ADGRL3: variants seen among roughly 807,000 people sequenced by gnomAD.
The protein encoded by ADGRL3 is adhesion G protein-coupled receptor L3, also known as calcium-independent alpha-latrotoxin receptor 3.
In ADGRL3, 62 loss-of-function variants were observed where a neutral mutation model predicts 153.5. The observed-to-expected ratio is 0.40, with a 90% confidence interval of 0.33 to 0.50. The LOEUF (loss-of-function observed/expected upper bound fraction) is 0.50. Among genes scored for constraint, ADGRL3 ranks in the 20% least tolerant of loss-of-function variants. The pLI is 0.47. For synonymous variants in ADGRL3, 710 were observed against 672.5 expected (o/e 1.06, Z -0.86); for missense variants, 1,641 against 1,859.4 (o/e 0.88, Z 2.16).
At chr4:61,334,757 G>A (rs1262644791) in intron 1 of ADGRL3, among the ~76,000 whole-genome samples, 8 of 152,032 alleles carry the variant, frequency 5.3e-5, no homozygotes, top group Non-Finnish European at 1.2e-4. Context: ...TGCTAGGCAA[G>A]AATATAAAGT....
chr4:61,226,268 G>A (rs1281081515), intron 1 of ADGRL3, among the ~76,000 whole-genome samples: 3 of 151,918 alleles, frequency 2.0e-5, no homozygotes, highest in Non-Finnish European at 4.4e-5. Flanking sequence ...TTATCCAATT[G>A]GCTGTGATTA....
chr4:61,742,248 TTTATTA>T (rs747149039), intron 8 of ADGRL3, among the ~76,000 whole-genome samples: 4 of 152,018 alleles, frequency 2.6e-5, no homozygotes, highest in Non-Finnish European at 5.9e-5. Flanking sequence ...TTTTTAACCT[TTTATTA>T]TTATTATTCT....
At chr4:61,959,269 G>A (rs561565382) in intron 17 of ADGRL3, among the ~76,000 whole-genome samples, 9 of 152,166 alleles carry the variant, frequency 5.9e-5, no homozygotes, top group East Asian at 5.8e-4. Context: ...GTAGAGCACC[G>A]TAACATATGC....
intron 8 of ADGRL3, among the ~76,000 whole-genome samples, chr4:61,753,245 AC>A (rs1255197343): frequency 3.9e-4 from 58 of 148,910 alleles, no homozygotes; most frequent in African/African-American, 1.4e-3. Flanking sequence ...AAAAAAAAAA[AC>A]AAAGATGAAA....
intron 6 of ADGRL3, among the ~76,000 whole-genome samples, chr4:61,698,682 A>G (rs142828188): frequency 3.0e-4 from 46 of 152,246 alleles, no homozygotes; most frequent in African/African-American, 1.0e-3. Flanking sequence ...CTTATGACAT[A>G]TGTGATTAGG....
intron 2 of ADGRL3, among the ~76,000 whole-genome samples, chr4:61,408,022 A>C (rs761998096): frequency 6.6e-6 from 1 of 152,082 alleles, no homozygotes; most frequent in Non-Finnish European, 1.5e-5. Flanking sequence ...TCATTTCTGA[A>C]ATGAGAAATT....
intron 5 of ADGRL3, among the ~76,000 whole-genome samples, chr4:61,672,507 A>G (rs1369047086): frequency 1.3e-5 from 2 of 152,138 alleles, no homozygotes; most frequent in African/African-American, 2.4e-5. Flanking sequence ...GACTCAGTCT[A>G]TCAACAATGA....
chr4:61,975,815 C>G (rs929888863), intron 17 of ADGRL3, among the ~76,000 whole-genome samples: 1 of 152,046 alleles, frequency 6.6e-6, no homozygotes, highest in Non-Finnish European at 1.5e-5. Context: ...CAATATAACT[C>G]CTGAGTTTTT....
At chr4:61,550,134 A>G (rs1484529796) in intron 4 of ADGRL3, among the ~76,000 whole-genome samples, 3 of 151,698 alleles carry the variant, frequency 2.0e-5, no homozygotes, top group South Asian at 2.1e-4. Flanking sequence ...TTACCAAAAT[A>G]TAGAAATATC....
At chr4:61,374,220 G>A (rs868853768) in intron 1 of ADGRL3, among the ~76,000 whole-genome samples, 2 of 152,132 alleles carry the variant, frequency 1.3e-5, no homozygotes, top group Non-Finnish European at 2.9e-5. Flanking sequence ...GTTTGCATTT[G>A]AATAGTATAA....
intron 5 of ADGRL3, among the ~76,000 whole-genome samples, chr4:61,635,626 G>A (rs1002728980): frequency 6.6e-6 from 1 of 152,096 alleles, no homozygotes; most frequent in Non-Finnish European, 1.5e-5. Flanking sequence ...ATGGTGAACT[G>A]AATTTACTTA....
chr4:61,294,571 A>G (rs1486165149), intron 1 of ADGRL3, among the ~76,000 whole-genome samples: 1 of 152,108 alleles, frequency 6.6e-6, no homozygotes, highest in Non-Finnish European at 1.5e-5. Context: ...GCATCGTGGT[A>G]ATTGATAGTG....
chr4:61,951,314 G>T (rs1319405621), intron 17 of ADGRL3, among the ~76,000 whole-genome samples: 1 of 152,086 alleles, frequency 6.6e-6, no homozygotes, highest in Non-Finnish European at 1.5e-5. Context: ...ACCTGTACAT[G>T]GCAGTGTCAG....
At chr4:61,998,762 A>G (rs1462402179) in intron 21 of ADGRL3, among the ~76,000 whole-genome samples, 1 of 151,962 alleles carries the variant, frequency 6.6e-6, no homozygotes, top group Non-Finnish European at 1.5e-5. Flanking sequence ...ATTTTAATAG[A>G]GACGGGGTTT....
intron 13 of ADGRL3, among the ~76,000 whole-genome samples, chr4:61,913,528 A>C (rs1046540687): frequency 1.3e-5 from 2 of 152,220 alleles, no homozygotes; most frequent in Non-Finnish European, 2.9e-5. Flanking sequence ...TGCATTTATA[A>C]AGAGATACCC....
intron 21 of ADGRL3, among the ~76,000 whole-genome samples, chr4:62,004,702 T>C (rs147557599): frequency 2.0e-5 from 3 of 152,206 alleles, no homozygotes; most frequent in East Asian, 3.9e-4. Flanking sequence ...CAACATGCTA[T>C]ACTGAAGATG....
intron 8 of ADGRL3, among the ~76,000 whole-genome samples, chr4:61,741,156 G>A (rs2096576372): frequency 6.6e-6 from 1 of 152,112 alleles, no homozygotes; most frequent in South Asian, 2.1e-4. Flanking sequence ...TTTTGAAACT[G>A]CCACGTGTTT....
In ADGRL3 at chr4:62,070,319, A is replaced by G. The variant is rs1490460823; in HGVS notation, c.4043A>G (p.Asn1348Ser). ...AACTATATCCCTTCTTACCTGAACA[A>G]CCATGAGCGCTCCAGTGAACAGAAC... Reference protein sequence around the residue: ...TSNYIPSYLNNHERSSEQNRN... With the variant: ...TSNYIPSYLNSHERSSEQNRN... Residue 1348 changes from asparagine to serine, a missense_variant, in exon 27 of 27, where the codon AAC becomes AGC. Around this residue, in one of 5 missense-constraint regions of ADGRL3, gnomAD observed 517 missense variants for 555.0 expected, o/e 0.93. Transcript: ENST00000683033. The G allele has an allele frequency of 1.3e-6, 2 of 1,555,282 alleles. No individual in the cohort carries two copies. The highest frequency in any genetic ancestry group is 2.4e-5 in the South Asian group (2 of 84,700).
chr4:61,969,639 C>T (rs951151901), intron 17 of ADGRL3, among the ~76,000 whole-genome samples: 10 of 151,992 alleles, frequency 6.6e-5, no homozygotes, highest in African/African-American at 2.4e-4. Flanking sequence ...AATCTTCATA[C>T]AAATCAATAC....
Sources: gnomAD v4.1 joint callset for allele counts (sites outside exome capture counted in the v4.1 genomes callset) on GRCh38, gnomAD v4.1.1 for gene constraint, gnomAD v4.1.1 regional missense constraint, MANE v1.5 for transcripts, NCBI Gene and HGNC (gene_info 2026-07-23, HGNC 2026-07-21) for gene names.